The following KLF12 variants were observed in gnomAD, a reference collection of about 807,000 sequenced individuals.
KLF12 encodes KLF transcription factor 12, also known as Krueppel-like factor 12.
A neutral mutation model predicts 37.8 loss-of-function variants in KLF12; 9 were observed. That is an observed-to-expected ratio of 0.24 (90% CI 0.14 to 0.42). The LOEUF (loss-of-function observed/expected upper bound fraction) is 0.42. Among genes scored for constraint, KLF12 ranks in the 10% least tolerant of loss-of-function variants. The pLI is 1.00. For missense variants in KLF12, 411 were observed against 516.0 expected, an observed-to-expected ratio of 0.80 and a Z score of 1.97; for synonymous variants, 208 against 202.1, an observed-to-expected ratio of 1.03 and a Z score of -0.25.
At chr13:74,135,834 A>G (rs934241465), upstream of KLF12, among the ~76,000 whole-genome samples, 9 of 152,094 alleles carry the variant, frequency 5.9e-5, no homozygotes. Context: ...AACAAGGGAG[A>G]GGCCGAGAAA....
At chr13:73,816,783 C>T (rs1271207317) in intron 4 of KLF12, among the ~76,000 whole-genome samples, 1 of 152,172 alleles carries the variant, frequency 6.6e-6, no homozygotes, top group Non-Finnish European at 1.5e-5. Flanking sequence ...TTTTCCCTTG[C>T]TCTTTTTAGA....
intron 6 of KLF12, among the ~76,000 whole-genome samples, chr13:73,758,859 G>A (rs942491249): frequency 4.6e-5 from 7 of 152,056 alleles, no homozygotes; most frequent in African/African-American, 1.4e-4. Context: ...AATCTCTCTT[G>A]CTGAAATTCT....
At chr13:73,788,538 G>A (rs540187069) in intron 5 of KLF12, among the ~76,000 whole-genome samples, 5 of 152,304 alleles carry the variant, frequency 3.3e-5, no homozygotes, top group South Asian at 2.1e-4. Flanking sequence ...TGACTGCCAA[G>A]GGCTGTTCTG....
chr13:73,873,388 T>C (rs1431655780), intron 3 of KLF12, among the ~76,000 whole-genome samples: 3 of 152,204 alleles, frequency 2.0e-5, no homozygotes, highest in Non-Finnish European at 4.4e-5. Flanking sequence ...ATCACTAGAC[T>C]GATTTTAAAG....
At chr13:74,266,031 G>A in the KLF12 span, among the ~76,000 whole-genome samples, 2 of 152,156 alleles carry the variant, frequency 1.3e-5, no homozygotes, top group Non-Finnish European at 2.9e-5. Flanking sequence ...AGCTTAATTA[G>A]GCGGTGCCTC....
chr13:74,208,320 A>G, the KLF12 span, among the ~76,000 whole-genome samples: 1 of 152,204 alleles, frequency 6.6e-6, no homozygotes, highest in Non-Finnish European at 1.5e-5. Flanking sequence ...GATCTTATAA[A>G]CACAGGCATT....
the KLF12 span, among the ~76,000 whole-genome samples, chr13:74,157,944 A>T: frequency 1.4e-4 from 21 of 152,198 alleles, no homozygotes; most frequent in Middle Eastern, 3.4e-3. Flanking sequence ...TCTCCTCCTC[A>T]GTCTTGTATT....
chr13:73,846,397 A>G (rs755110502), intron 3 of KLF12, 24 bp from the exon 4 acceptor site: 4 of 1,577,126 alleles, frequency 2.5e-6, no homozygotes, highest in African/African-American at 2.7e-5. Context: ...AATGGAACAT[A>G]TATTTATCTT....
the KLF12 span, among the ~76,000 whole-genome samples, chr13:74,305,571 A>G: frequency 1.1e-3 from 175 of 152,214 alleles, no homozygotes; most frequent in African/African-American, 4.0e-3. Flanking sequence ...TATAAAAAAC[A>G]TTGAAACTTA....
At chr13:73,711,550 C>T (rs1425148721) in intron 7 of KLF12, among the ~76,000 whole-genome samples, 1 of 152,098 alleles carries the variant, frequency 6.6e-6, no homozygotes, top group African/African-American at 2.4e-5. Flanking sequence ...AATGTAACAA[C>T]AAAGCTTGGA....
intron 6 of KLF12, among the ~76,000 whole-genome samples, 162 bp downstream of exon 6, chr13:73,764,776 A>G (rs1371087114): frequency 2.0e-5 from 3 of 152,172 alleles, no homozygotes; most frequent in Non-Finnish European, 4.4e-5. Flanking sequence ...AACTCTATCA[A>G]TATTTATTTC....
At chr13:74,174,691 CA>C in the KLF12 span, among the ~76,000 whole-genome samples, 652 of 152,240 alleles carry the variant, frequency 4.3e-3, 5 homozygotes, top group African/African-American at 0.015. Flanking sequence ...TTTATAACCT[CA>C]AAAAAGTCAC....
intron 1 of KLF12, among the ~76,000 whole-genome samples, chr13:74,006,627 C>G (rs560869865): frequency 6.6e-6 from 1 of 152,190 alleles, no homozygotes; most frequent in Non-Finnish European, 1.5e-5. Context: ...AGCAGCACTT[C>G]CAAGAACTCA....
At chr13:73,810,869 A>G (rs577443122) in intron 5 of KLF12, among the ~76,000 whole-genome samples, 32 of 152,112 alleles carry the variant, frequency 2.1e-4, no homozygotes, top group African/African-American at 7.2e-4. Context: ...AGATCTCAGC[A>G]ATCTCTTGGA....
chr13:74,022,230 A>G (rs1319084291), intron 1 of KLF12, among the ~76,000 whole-genome samples: 1 of 152,202 alleles, frequency 6.6e-6, no homozygotes, highest in Non-Finnish European at 1.5e-5. Flanking sequence ...TCTACAAAGT[A>G]CAAGGCAGAC....
intron 7 of KLF12, among the ~76,000 whole-genome samples, chr13:73,703,892 T>C (rs1185460947): frequency 2.0e-5 from 3 of 152,158 alleles, no homozygotes; most frequent in South Asian, 2.1e-4. Flanking sequence ...GGACAGACAA[T>C]AGTGTTAACA....
the KLF12 span, among the ~76,000 whole-genome samples, chr13:74,235,199 T>C: frequency 1.3e-5 from 2 of 152,260 alleles, no homozygotes; most frequent in Non-Finnish European, 2.9e-5. Flanking sequence ...TTGACTGCCC[T>C]TGTTTGGATA....
At chr13:74,041,040 T>C (rs1893388225) in intron 1 of KLF12, among the ~76,000 whole-genome samples, 1 of 152,146 alleles carries the variant, frequency 6.6e-6, no homozygotes, top group Non-Finnish European at 1.5e-5. Context: ...AAACCCACAA[T>C]ACAACCCCAA....
intron 1 of KLF12, among the ~76,000 whole-genome samples, chr13:74,093,849 A>AT (rs1252322536): frequency 6.6e-6 from 1 of 152,088 alleles, no homozygotes; most frequent in African/African-American, 2.4e-5. Context: ...TTTAAATAGC[A>AT]ATCAACCACT....
Sources: allele counts gnomAD v4.1 joint callset (sites outside exome capture counted in the v4.1 genomes callset), GRCh38; gene constraint gnomAD v4.1.1; transcripts MANE v1.5; gene names NCBI Gene and HGNC (gene_info 2026-07-23, HGNC 2026-07-21).